LPP: variants seen among roughly 807,000 people sequenced by gnomAD.
The protein encoded by LPP is lipoma-preferred partner.
LPP carries 38 observed loss-of-function variants against 60.4 expected under a neutral mutation model. The ratio of observed to expected loss-of-function variants is 0.63; its 90% CI spans 0.49 to 0.83. The LOEUF is 0.83. LPP is among the 40% of genes least tolerant of loss of function. The pLI is 0.00. For synonymous variants in LPP, 328 were observed against 290.8 expected, an observed-to-expected ratio of 1.13 and a Z score of -1.30; for missense variants, 902 against 783.6, an observed-to-expected ratio of 1.15 and a Z score of -1.80.
At chr3:188,860,773 T>G (rs1282384777) in intron 9 of LPP, among the ~76,000 whole-genome samples, 1 of 152,270 alleles carries the variant, frequency 6.6e-6, no homozygotes, top group Non-Finnish European at 1.5e-5. Flanking sequence ...ACGAGTTTTC[T>G]CTTGTCCTAT....
chr3:188,820,834 C>T (rs1012523385), intron 9 of LPP, among the ~76,000 whole-genome samples: 4 of 152,052 alleles, frequency 2.6e-5, no homozygotes, highest in Admixed American at 6.6e-5. Flanking sequence ...AAATCAGCAT[C>T]GTTATACCTT....
At chr3:188,501,521 G>A (rs934401923) in intron 5 of LPP, among the ~76,000 whole-genome samples, 32 of 151,528 alleles carry the variant, frequency 2.1e-4, no homozygotes, top group African/African-American at 6.8e-4. Context: ...AGGCCGAGGC[G>A]GGTGGATCAC....
In LPP at chr3:188,182,665, C is replaced by T. The variant is rs1362973487; in HGVS notation, c.-190+28413C>T. On this transcript the variant is annotated intron_variant, in intron 1 of 11. Transcript: ENST00000617246. This position sits in a 1 kb window ranked among gnomAD's most constrained non-coding sequence, Gnocchi z 4.4. ...ACATGATGGTGTTTGCTGAAGGGAA[C>T]ATAGGGATCTTTAAGTCCAGTGATT... 6.6e-6 allele frequency among the ~76,000 whole-genome samples: 1 copy of T among 151,634 alleles called. No homozygotes were observed. Among genetic ancestry groups the T allele is most frequent in the African/African-American group, 2.4e-5 (1 of 41,274 alleles).
intron 9 of LPP, among the ~76,000 whole-genome samples, chr3:188,828,614 CAAAAAAAAA>C (rs71169022): frequency 2.8e-3 from 89 of 31,340 alleles, no homozygotes; most frequent in South Asian, 5.0e-3. Context: ...AACTCTGTCT[CAAAAAAAAA>C]AAAAAAAAAA....
At chr3:188,760,440 G>GTGTGTGTGCA (rs1553836338) in intron 9 of LPP, among the ~76,000 whole-genome samples, 158 bp downstream of exon 9, 1 of 145,242 alleles carries the variant, frequency 6.9e-6, no homozygotes, top group African/African-American at 2.8e-5. Context: ...GTGTGTGCGT[G>GTGTGTGTGCA]CGCGCATGTA....
At chr3:188,206,285 T>A (rs1401841216) in intron 1 of LPP, among the ~76,000 whole-genome samples, 1 of 152,188 alleles carries the variant, frequency 6.6e-6, no homozygotes, top group Non-Finnish European at 1.5e-5. Context: ...ACAGAGTAGC[T>A]GCAGGACCTT....
intron 1 of LPP, among the ~76,000 whole-genome samples, chr3:188,207,902 A>G (rs1191727596): frequency 6.6e-6 from 1 of 152,066 alleles, no homozygotes; most frequent in South Asian, 2.1e-4. Flanking sequence ...TTGTCCTTCA[A>G]TTGCAGTCAG....
chr3:188,166,610 G>T (rs1286316238), intron 1 of LPP, among the ~76,000 whole-genome samples: 1 of 152,168 alleles, frequency 6.6e-6, no homozygotes, highest in Non-Finnish European at 1.5e-5. Flanking sequence ...ACCTGGGAAA[G>T]GTTAAATGAT....
intron 9 of LPP, among the ~76,000 whole-genome samples, chr3:188,801,144 G>T (rs1401728166): frequency 3.9e-5 from 6 of 152,066 alleles, no homozygotes; most frequent in Non-Finnish European, 5.9e-5. Flanking sequence ...GGTTCCCGGG[G>T]CTAAACGTCT....
intron 6 of LPP, among the ~76,000 whole-genome samples, chr3:188,594,862 C>G (rs1234381192): frequency 6.6e-6 from 1 of 151,934 alleles, no homozygotes; most frequent in Non-Finnish European, 1.5e-5. Context: ...TCATAATTAC[C>G]ACTCATAATT....
chr3:188,291,796 T>C (rs1746072784), intron 2 of LPP, among the ~76,000 whole-genome samples: 1 of 152,152 alleles, frequency 6.6e-6, no homozygotes, highest in South Asian at 2.1e-4. Flanking sequence ...TTATCATTAT[T>C]TCCCTTTTAG....
intron 9 of LPP, among the ~76,000 whole-genome samples, chr3:188,846,511 C>G (rs1349371617): frequency 6.6e-6 from 1 of 151,844 alleles, no homozygotes; most frequent in African/African-American, 2.4e-5. Flanking sequence ...TAATGAAACC[C>G]CGTCTCTACT....
At chr3:188,804,526 C>T (rs1046303964) in intron 9 of LPP, among the ~76,000 whole-genome samples, 2 of 151,536 alleles carry the variant, frequency 1.3e-5, no homozygotes, top group East Asian at 1.9e-4. Flanking sequence ...ACTCACTCTT[C>T]GGTTTATGGG....
chr3:188,493,084 C>A lies in LPP; in HGVS notation c.306+8380C>A, dbSNP rs139828704. Among the ~76,000 whole-genome samples, 354 of 152,196 alleles carry A rather than the reference C, an allele frequency of 2.3e-3. 2 individuals carry two copies. Among genetic ancestry groups the A allele is most frequent in the South Asian group, 0.014 (67 of 4,816 alleles). On this transcript the variant is annotated intron_variant, in intron 5 of 11. Coordinates refer to ENST00000617246, the MANE Select transcript of LPP (RefSeq NM_001375462.1). Reference sequence around the variant, plus strand: ...GTTCTTTTTTTCTGCCATAGTACTTCATTAAGTAATTTTATGGGAAGGCTA... The same window carrying A: ...GTTCTTTTTTTCTGCCATAGTACTTAATTAAGTAATTTTATGGGAAGGCTA...
intron 8 of LPP, among the ~76,000 whole-genome samples, chr3:188,755,221 C>G (rs780873629): frequency 6.6e-6 from 1 of 152,108 alleles, no homozygotes; most frequent in African/African-American, 2.4e-5. Context: ...GCAAGGAAGA[C>G]ATAAAGAAAA....
chr3:188,512,079 C>T (rs1213882565), intron 5 of LPP, among the ~76,000 whole-genome samples: 1 of 152,168 alleles, frequency 6.6e-6, no homozygotes, highest in Non-Finnish European at 1.5e-5. Context: ...ATTGTATTAT[C>T]TTTAAATGAA....
intron 4 of LPP, among the ~76,000 whole-genome samples, chr3:188,428,753 A>T (rs1790158468): frequency 6.6e-6 from 1 of 152,080 alleles, no homozygotes; most frequent in Non-Finnish European, 1.5e-5. Flanking sequence ...GTCTTAAGGA[A>T]GTTCTGATTT....
intron 4 of LPP, among the ~76,000 whole-genome samples, chr3:188,428,596 A>ATATT (rs1553895829): frequency 4.2e-4 from 60 of 142,690 alleles, no homozygotes; most frequent in East Asian, 2.1e-3. Context: ...ATATATATAT[A>ATATT]TTTTTTTTTT....
chr3:188,676,111 G>A (rs1858014857), intron 7 of LPP, among the ~76,000 whole-genome samples: 1 of 152,098 alleles, frequency 6.6e-6, no homozygotes, highest in South Asian at 2.1e-4. Context: ...TATTAGAAAA[G>A]TGAAAACGTT....
Sources: gnomAD v4.1 joint callset for allele counts (sites outside exome capture counted in the v4.1 genomes callset) on GRCh38, gnomAD v4.1.1 for gene constraint, Gnocchi (gnomAD v3.1) non-coding constraint, MANE v1.5 for transcripts, NCBI Gene and HGNC (gene_info 2026-07-23, HGNC 2026-07-21) for gene names.